The following RIT2 variants were observed in gnomAD, a reference collection of about 807,000 sequenced individuals.
RIT2 encodes the protein Ras like without CAAX 2, also known as GTP-binding protein Rit2.
Under a neutral mutation model 23.7 loss-of-function variants are expected in RIT2, and 24 were observed. The ratio of observed to expected loss-of-function variants is 1.01; its 90% CI spans 0.73 to 1.43. RIT2 has a LOEUF of 1.43. RIT2 is among the 40% of genes most tolerant of loss of function. The pLI, the probability that RIT2 is intolerant of heterozygous loss-of-function variation, is 0.00. For synonymous variants in RIT2, 107 were observed against 91.1 expected (o/e 1.17, Z -0.99); for missense variants, 236 against 266.9 (o/e 0.88, Z 0.81).
chr18:42,912,973 A>G (rs926823980), intron 4 of RIT2, among the ~76,000 whole-genome samples: 1 of 151,916 alleles, frequency 6.6e-6, no homozygotes, highest in Non-Finnish European at 1.5e-5. Flanking sequence ...AAGAAGAAAA[A>G]CGAGGGAGGA....
intron 4 of RIT2, among the ~76,000 whole-genome samples, chr18:42,904,675 T>C (rs571328452): frequency 1.3e-5 from 2 of 152,164 alleles, no homozygotes; most frequent in East Asian, 1.9e-4. Context: ...GTGGATAAAA[T>C]AGATGATAGA....
At chr18:42,967,695 G>GT (rs35983527) in intron 3 of RIT2, among the ~76,000 whole-genome samples, 2 of 150,948 alleles carry the variant, frequency 1.3e-5, no homozygotes, top group African/African-American at 4.9e-5. Context: ...CTGGCCAAAA[G>GT]TTTTTTCTAA....
intron 4 of RIT2, among the ~76,000 whole-genome samples, chr18:42,749,380 A>G (rs932926324): frequency 3.3e-5 from 5 of 151,832 alleles, no homozygotes; most frequent in Admixed American, 1.3e-4. Context: ...ATAAACACTC[A>G]AATTTAATGA....
At chr18:42,892,931 C>T (rs772073695) in intron 4 of RIT2, among the ~76,000 whole-genome samples, 8 of 152,126 alleles carry the variant, frequency 5.3e-5, no homozygotes, top group African/African-American at 1.9e-4. Context: ...CTGTTATTAC[C>T]TCAACCTCTA....
At chr18:42,945,634 G>A (rs982031969) in intron 3 of RIT2, among the ~76,000 whole-genome samples, 1 of 152,070 alleles carries the variant, frequency 6.6e-6, no homozygotes, top group Admixed American at 6.6e-5. Context: ...CATTTGACTT[G>A]GTTACTAATG....
At chr18:43,098,394 C>T (rs936115859) in intron 1 of RIT2, among the ~76,000 whole-genome samples, 1 of 151,904 alleles carries the variant, frequency 6.6e-6, no homozygotes, top group Admixed American at 6.6e-5. Context: ...TGGTTCCCCT[C>T]CTTCTAAGCC....
At chr18:42,981,346 T>C (rs1910593316) in intron 2 of RIT2, among the ~76,000 whole-genome samples, 1 of 152,156 alleles carries the variant, frequency 6.6e-6, no homozygotes, top group Non-Finnish European at 1.5e-5. Context: ...TAAAAAGAAC[T>C]TTTATGATCA....
At chr18:42,838,091 A>C (rs1906666647) in intron 4 of RIT2, among the ~76,000 whole-genome samples, 1 of 152,146 alleles carries the variant, frequency 6.6e-6, no homozygotes, top group Non-Finnish European at 1.5e-5. Context: ...ACAAAATCGG[A>C]TTCTTCATTA....
intron 4 of RIT2, among the ~76,000 whole-genome samples, chr18:42,895,219 T>C (rs1908292036): frequency 6.6e-6 from 1 of 152,210 alleles, no homozygotes; most frequent in African/African-American, 2.4e-5. Context: ...ACTTAAATTG[T>C]CCTGTTTTAT....
At chr18:42,894,689 T>C (rs574608704) in intron 4 of RIT2, among the ~76,000 whole-genome samples, 1 of 152,248 alleles carries the variant, frequency 6.6e-6, no homozygotes, top group South Asian at 2.1e-4. Flanking sequence ...GAGTCAAAAT[T>C]GAGACACTTT....
At chr18:43,111,301 G>C (rs1312534687) in intron 1 of RIT2, among the ~76,000 whole-genome samples, 2 of 152,146 alleles carry the variant, frequency 1.3e-5, no homozygotes, top group Non-Finnish European at 2.9e-5. Context: ...AGGCTGGAAA[G>C]GGTAGTAGGA....
intron 1 of RIT2, among the ~76,000 whole-genome samples, chr18:43,069,251 G>A (rs1912844432): frequency 1.3e-5 from 2 of 150,762 alleles, no homozygotes; most frequent in Admixed American, 1.3e-4. Context: ...TACCTAGGGT[G>A]GCTGTGTTCC....
intron 4 of RIT2, among the ~76,000 whole-genome samples, chr18:42,810,825 C>T (rs1387076499): frequency 1.3e-5 from 2 of 152,114 alleles, no homozygotes; most frequent in Admixed American, 6.5e-5. Context: ...AAAATCTAAA[C>T]TTTTTATTTT....
Position 42,743,590 on chromosome 18 carries a change from G to T in RIT2, c.557C>A (p.Ser186Tyr). The T allele has an allele frequency of 1.2e-6, 2 of 1,613,942 alleles. No homozygotes were observed. Among genetic ancestry groups the T allele is most frequent in the Non-Finnish European group, 1.7e-6 (2 of 1,179,954 alleles). ...TTTCTTTTCCATCAAGGATGGCATGGACTCCTTCTTGCGAATTTCCCTCAC... is the reference window on the plus strand; with the variant it reads ...TTTCTTTTCCATCAAGGATGGCATGTACTCCTTCTTGCGAATTTCCCTCAC... ...GLVREIRKKE[S>Y]MPSLMEKKLK... The change falls in exon 5 of 5, where the codon TCC becomes TAC. Residue 186 changes from serine (S) to tyrosine (Y), a missense_variant. Coordinates refer to ENST00000326695, the MANE Select transcript of RIT2 (RefSeq NM_002930.4).
At chr18:42,770,294 G>A (rs2143913889) in intron 4 of RIT2, among the ~76,000 whole-genome samples, 1 of 152,316 alleles carries the variant, frequency 6.6e-6, no homozygotes, top group South Asian at 2.1e-4. Context: ...CAGCAGAAAA[G>A]TCACAACGAC....
At chr18:43,058,462 T>A (rs1172463264) in intron 1 of RIT2, among the ~76,000 whole-genome samples, 4 of 152,120 alleles carry the variant, frequency 2.6e-5, no homozygotes, top group Non-Finnish European at 1.5e-5. Flanking sequence ...ACATTGAAGT[T>A]TGAGATGCAC....
At chr18:42,779,579 C>T (rs1035031663) in intron 4 of RIT2, among the ~76,000 whole-genome samples, 2 of 152,036 alleles carry the variant, frequency 1.3e-5, no homozygotes, top group Non-Finnish European at 1.5e-5. Flanking sequence ...TTAATAAGTA[C>T]CTGGTGCAAT....
At chr18:43,106,886 A>G (rs1302772082) in intron 1 of RIT2, among the ~76,000 whole-genome samples, 1 of 152,254 alleles carries the variant, frequency 6.6e-6, no homozygotes, top group Non-Finnish European at 1.5e-5. Context: ...AAGGACAGGT[A>G]GCACTGTTTG....
intron 4 of RIT2, among the ~76,000 whole-genome samples, chr18:42,910,216 A>G (rs1453342803): frequency 6.6e-6 from 1 of 152,138 alleles, no homozygotes; most frequent in African/African-American, 2.4e-5. Context: ...AAAACAGAAA[A>G]CAAATAATAA....
Sources: gnomAD v4.1 joint callset for allele counts (sites outside exome capture counted in the v4.1 genomes callset) on GRCh38, gnomAD v4.1.1 for gene constraint, MANE v1.5 for transcripts, NCBI Gene and HGNC (gene_info 2026-07-23, HGNC 2026-07-21) for gene names.